Variants in ADCY2 observed in about 807,000 individuals in gnomAD.
The protein encoded by ADCY2 is adenylate cyclase type 2.
A neutral mutation model predicts 125.2 loss-of-function variants in ADCY2; 31 were observed. That is an observed-to-expected ratio of 0.25 (90% CI 0.19 to 0.33). The LOEUF (loss-of-function observed/expected upper bound fraction) is 0.33. Among genes scored for constraint, ADCY2 ranks in the 10% least tolerant of loss-of-function variants. The pLI is 1.00. For synonymous variants in ADCY2, 512 were observed against 548.4 expected, an observed-to-expected ratio of 0.93 and a Z score of 0.93; for missense variants, 904 against 1,418.2, an observed-to-expected ratio of 0.64 and a Z score of 5.82.
chr5:7,743,850 T>G, intron 15 of ADCY2, 98 bp downstream of exon 15: 1 of 1,156,784 alleles, frequency 8.6e-7, no homozygotes, highest in South Asian at 1.3e-5. Flanking sequence ...CTTATTGCTT[T>G]ACCACTTCAA....
chr5:7,476,067 C>T (rs1374116718), intron 2 of ADCY2, among the ~76,000 whole-genome samples: 3 of 152,108 alleles, frequency 2.0e-5, no homozygotes, highest in African/African-American at 7.2e-5. Context: ...AGAAATACCG[C>T]GTCTTCCTGT....
At chr5:7,697,722 T>C (rs951446778) in intron 6 of ADCY2, among the ~76,000 whole-genome samples, 1 of 152,234 alleles carries the variant, frequency 6.6e-6, no homozygotes, top group Non-Finnish European at 1.5e-5. Flanking sequence ...CTTGGCAGTA[T>C]TGAATGGCAG....
intron 3 of ADCY2, among the ~76,000 whole-genome samples, chr5:7,612,812 C>T (rs528838730): frequency 2.0e-5 from 3 of 152,218 alleles, no homozygotes; most frequent in South Asian, 4.1e-4. Context: ...GTCAGGAGAT[C>T]GAGACCATCA....
At chr5:7,545,913 C>G (rs138322993) in intron 3 of ADCY2, among the ~76,000 whole-genome samples, 292 of 152,260 alleles carry the variant, frequency 1.9e-3, no homozygotes, top group African/African-American at 6.7e-3. Flanking sequence ...GTTGTCTGCG[C>G]TGGGTGTGTG....
chr5:7,647,893 A>G (rs1314765813), intron 4 of ADCY2, among the ~76,000 whole-genome samples: 1 of 152,210 alleles, frequency 6.6e-6, no homozygotes, highest in Non-Finnish European at 1.5e-5. Context: ...GACTTAAAGT[A>G]TAAAGCAAAA....
chr5:7,771,949 G>C (rs1368561804), intron 17 of ADCY2, among the ~76,000 whole-genome samples: 3 of 152,144 alleles, frequency 2.0e-5, no homozygotes, highest in Non-Finnish European at 4.4e-5. Context: ...ACAAACCCTT[G>C]TTCACAGAAA....
rs114723360 is a variant in ADCY2, at chr5:7,651,113, C to T, written c.720+24797C>T. 3.1e-3 allele frequency among the ~76,000 whole-genome samples: 477 copies of T among 152,268 alleles called. 1 individual carries two copies. The highest frequency in any genetic ancestry group is 0.011 in the African/African-American group (454 of 41,554). On this transcript the variant is annotated intron_variant, in intron 4 of 24. Transcript: ENST00000338316. Reference sequence around the variant, plus strand: ...CCAGGGGTCCTAATTTGAAACCCAGCATCAAAGCATTCTTCTTTAAAACTG... The same window carrying T: ...CCAGGGGTCCTAATTTGAAACCCAGTATCAAAGCATTCTTCTTTAAAACTG...
At chr5:7,611,136 A>G (rs1013981503) in intron 3 of ADCY2, 2 of 152,224 alleles carry the variant, frequency 1.3e-5, no homozygotes, top group African/African-American at 4.8e-5. Context: ...TCTTTCCAGT[A>G]TAAAGATGAG....
At chr5:7,773,951 T>A (rs1743634711) in intron 18 of ADCY2, among the ~76,000 whole-genome samples, 1 of 152,238 alleles carries the variant, frequency 6.6e-6, no homozygotes, top group Admixed American at 6.5e-5. Context: ...AGTGTTAGGT[T>A]TATTTCTGAA....
intron 7 of ADCY2, among the ~76,000 whole-genome samples, chr5:7,698,994 A>G (rs954614544): frequency 3.6e-5 from 5 of 137,442 alleles, no homozygotes; most frequent in African/African-American, 1.4e-4. Flanking sequence ...ACTAATTTAC[A>G]CTCCCACCAA....
At chr5:7,700,674 G>A (rs1741047882) in intron 7 of ADCY2, among the ~76,000 whole-genome samples, 1 of 149,332 alleles carries the variant, frequency 6.7e-6, no homozygotes, top group Non-Finnish European at 1.5e-5. Flanking sequence ...CCCCAGCATG[G>A]TCCTGGGAAG....
At chr5:7,448,144 A>G (rs1741343197) in intron 2 of ADCY2, among the ~76,000 whole-genome samples, 1 of 151,960 alleles carries the variant, frequency 6.6e-6, no homozygotes, top group Admixed American at 6.6e-5. Context: ...ATCCCACAAG[A>G]CCCTGAGGTA....
intron 24 of ADCY2, among the ~76,000 whole-genome samples, chr5:7,824,013 C>T (rs1019256028): frequency 1.3e-5 from 2 of 152,124 alleles, no homozygotes; most frequent in East Asian, 1.9e-4. Context: ...TTCCTTAGCA[C>T]GGAAGCTGAA....
At chr5:7,653,533 G>T (rs972029418) in intron 4 of ADCY2, among the ~76,000 whole-genome samples, 5 of 152,030 alleles carry the variant, frequency 3.3e-5, no homozygotes, top group African/African-American at 1.2e-4. Context: ...GCATGAACCC[G>T]GGAGGTGGAG....
intron 3 of ADCY2, among the ~76,000 whole-genome samples, chr5:7,575,485 G>T (rs1445725709): frequency 6.6e-6 from 1 of 152,100 alleles, no homozygotes; most frequent in African/African-American, 2.4e-5. Context: ...TTTGCCAGCA[G>T]TTTATTCATT....
intron 3 of ADCY2, among the ~76,000 whole-genome samples, chr5:7,616,303 A>G (rs1737759968): frequency 6.6e-6 from 1 of 152,218 alleles, no homozygotes; most frequent in Non-Finnish European, 1.5e-5. Context: ...ATGTTCTCAT[A>G]TAGAAAACTA....
chr5:7,413,555 C>T (rs1739812278), intron 1 of ADCY2, among the ~76,000 whole-genome samples: 2 of 151,962 alleles, frequency 1.3e-5, no homozygotes, highest in Non-Finnish European at 2.9e-5. Flanking sequence ...GCCTCGGCCT[C>T]CCAAAGTACT....
intron 3 of ADCY2, among the ~76,000 whole-genome samples, chr5:7,598,516 C>T (rs541972280): frequency 1.3e-5 from 2 of 152,294 alleles, no homozygotes; most frequent in South Asian, 4.1e-4. Flanking sequence ...TCAGAATTTT[C>T]TGTGGGGGGT....
chr5:7,443,273 G>C (rs1470707784), intron 2 of ADCY2, among the ~76,000 whole-genome samples: 1 of 152,062 alleles, frequency 6.6e-6, no homozygotes, highest in African/African-American at 2.4e-5. Context: ...TATGAGATCG[G>C]AACTTCAGTT....
Sources: allele counts gnomAD v4.1 joint callset (sites outside exome capture counted in the v4.1 genomes callset), GRCh38; gene constraint gnomAD v4.1.1; transcripts MANE v1.5; gene names NCBI Gene and HGNC (gene_info 2026-07-23, HGNC 2026-07-21).